Variants in ZFYVE28 observed in about 807,000 individuals in gnomAD.
The protein encoded by ZFYVE28 is lateral signaling target protein 2 homolog.
ZFYVE28 carries 40 observed loss-of-function variants against 82.1 expected under a neutral mutation model. The observed-to-expected ratio is 0.49, with a 90% CI of 0.38 to 0.63. ZFYVE28 has a LOEUF of 0.63. Ranked by LOEUF, ZFYVE28 falls within the 30% of genes least tolerant of loss-of-function variation. The pLI is 0.00. For synonymous variants in ZFYVE28, 612 were observed against 546.1 expected (o/e 1.12, Z -1.68); for missense variants, 1,321 against 1,242.1 (o/e 1.06, Z -0.96).
At chr4:2,327,254 ATATATATATAT>A (rs1719980215) in intron 6 of ZFYVE28, among the ~76,000 whole-genome samples, 2 of 1,676 alleles carry the variant, frequency 1.2e-3, no homozygotes, top group East Asian at 0.045. Context: ...CATCTCAAAT[ATATATATATAT>A]ATATATATAT....
rs912537615 is a variant in ZFYVE28 at position 2,342,015 on chromosome 4, C to T, written c.181-400G>A. On this transcript the variant is annotated intron_variant, in intron 2 of 12. Transcript: ENST00000290974. ...AGCCAGGGCAATAAAGAGCAGCAAC[C>T]GCAGGAGCCATGGGCTCAGACGGAC... 2.0e-4 allele frequency among the ~76,000 whole-genome samples: 31 copies of T among 152,282 alleles called. 1 individual carries two copies. Among genetic ancestry groups the T allele is most frequent in the Middle Eastern group, 3.4e-3 (1 of 294 alleles).
chr4:2,401,871 C>T (rs983894616), intron 1 of ZFYVE28, among the ~76,000 whole-genome samples: 2 of 152,192 alleles, frequency 1.3e-5, no homozygotes, highest in Admixed American at 6.5e-5. Context: ...GTCCTCTCCT[C>T]GAGCCTCTCA....
At chr4:2,346,931 A>G (rs962879485) in intron 2 of ZFYVE28, among the ~76,000 whole-genome samples, 1 of 152,204 alleles carries the variant, frequency 6.6e-6, no homozygotes, top group African/African-American at 2.4e-5. Flanking sequence ...AAATCTAACT[A>G]TATCAAAGAC....
At chr4:2,410,467 T>C (rs1732405525) in intron 1 of ZFYVE28, among the ~76,000 whole-genome samples, 1 of 151,424 alleles carries the variant, frequency 6.6e-6, no homozygotes, top group East Asian at 1.9e-4. Flanking sequence ...TTTTTTTTTT[T>C]TTTTTCATTT....
intron 7 of ZFYVE28, among the ~76,000 whole-genome samples, chr4:2,312,663 G>C (rs1717635141): frequency 6.8e-6 from 1 of 147,424 alleles, no homozygotes; most frequent in Non-Finnish European, 1.5e-5. Context: ...AGGAGGCGGA[G>C]CTTGCAGTGA....
chr4:2,359,995 G>A (rs1323771939), intron 1 of ZFYVE28, among the ~76,000 whole-genome samples: 2 of 152,188 alleles, frequency 1.3e-5, no homozygotes, highest in Non-Finnish European at 2.9e-5. Context: ...GAGCCTCGGA[G>A]CCTTTACCCA....
At chr4:2,354,844 T>C (rs559748621) in intron 1 of ZFYVE28, among the ~76,000 whole-genome samples, 2 of 152,226 alleles carry the variant, frequency 1.3e-5, no homozygotes, top group South Asian at 2.1e-4. Context: ...GAAGAATGAT[T>C]GACAGTGCAT....
chr4:2,399,167 C>T (rs1268568685), intron 1 of ZFYVE28, among the ~76,000 whole-genome samples: 1 of 98,958 alleles, frequency 1.0e-5, no homozygotes, highest in African/African-American at 3.7e-5. Flanking sequence ...GGGGTGAGAT[C>T]GAGGGCACAA....
chr4:2,317,879 C>A (rs572797754), intron 7 of ZFYVE28, among the ~76,000 whole-genome samples: 2 of 152,270 alleles, frequency 1.3e-5, no homozygotes, highest in East Asian at 3.9e-4. Context: ...GTGATCCATC[C>A]GCCTGGGCCT....
intron 1 of ZFYVE28, among the ~76,000 whole-genome samples, chr4:2,382,681 T>C (rs1319595006): frequency 1.3e-5 from 2 of 152,244 alleles, no homozygotes; most frequent in East Asian, 3.8e-4. Context: ...ACTTGCCTTG[T>C]CTTAGATGAG....
intron 6 of ZFYVE28, among the ~76,000 whole-genome samples, chr4:2,331,766 AC>A (rs1282584061): frequency 6.6e-6 from 1 of 151,838 alleles, no homozygotes; most frequent in Non-Finnish European, 1.5e-5. Context: ...GTAAGGCCAG[AC>A]CCCACCAGGC....
Position 2,270,531 on chromosome 4 carries a change from C to T in ZFYVE28, c.*194G>A, listed in dbSNP as rs1735814186. 1.3e-6 allele frequency: 1 copy of T among 788,132 alleles called. No individual in the cohort carries two copies. The highest frequency in any genetic ancestry group is 1.8e-5 in the South Asian group (1 of 54,682). 48.8% of individuals were successfully genotyped at this position (788,132 alleles called of 1,614,324 possible). A position where few individuals can be genotyped will look rare whatever the true frequency, so the allele number is the denominator to read the frequency against. On this transcript the variant is annotated 3_prime_UTR_variant, in exon 13 of 13. Transcript: ENST00000290974. The stretch of plus-strand genomic sequence containing the variant: ...TGGGCAAAGCTGACCTCTTGTTGGC[C>T]CCTGCAGCCGGCCCGGGGTCCCTGC...
chr4:2,305,720 G>A (rs530011513), intron 7 of ZFYVE28, among the ~76,000 whole-genome samples, 184 bp from the exon 8 acceptor site: 42 of 152,366 alleles, frequency 2.8e-4, no homozygotes, highest in African/African-American at 9.6e-4. Context: ...CTCCGGTCTC[G>A]CCGGCCAGGA....
intron 1 of ZFYVE28, among the ~76,000 whole-genome samples, chr4:2,388,476 A>G (rs770335224): frequency 5.3e-5 from 8 of 152,108 alleles, no homozygotes; most frequent in Non-Finnish European, 5.9e-5. Context: ...CCACTGCTGC[A>G]CAAGAAGGGA....
chr4:2,308,653 G>GAAAGA (rs1361513851), intron 7 of ZFYVE28, among the ~76,000 whole-genome samples: 2 of 101,588 alleles, frequency 2.0e-5, no homozygotes, highest in Non-Finnish European at 2.0e-5. Context: ...AAGAAAGAAA[G>GAAAGA]AAAGAAAGAA....
At chr4:2,402,149 C>G (rs1731253526) in intron 1 of ZFYVE28, among the ~76,000 whole-genome samples, 1 of 152,206 alleles carries the variant, frequency 6.6e-6, no homozygotes, top group South Asian at 2.1e-4. Flanking sequence ...CCCCAGTGAG[C>G]ATGGAGCTCT....
chr4:2,291,991 C>G (rs1713788468), intron 8 of ZFYVE28, among the ~76,000 whole-genome samples: 1 of 152,128 alleles, frequency 6.6e-6, no homozygotes, highest in Non-Finnish European at 1.5e-5. Flanking sequence ...TCCTCCCAGG[C>G]CTTGCTGCCT....
chr4:2,404,229 G>C (rs1428235955), intron 1 of ZFYVE28, among the ~76,000 whole-genome samples: 1 of 143,914 alleles, frequency 6.9e-6, no homozygotes, highest in Non-Finnish European at 1.5e-5. Flanking sequence ...GGCTGAGGCA[G>C]GAGAATGGCA....
At chr4:2,343,118 A>G (rs1723048226) in intron 2 of ZFYVE28, 2 of 152,184 alleles carry the variant, frequency 1.3e-5, no homozygotes, top group Admixed American at 1.3e-4. Flanking sequence ...GATGTGCCTA[A>G]TCCTCCACCT....
Sources: gnomAD v4.1 joint callset for allele counts (sites outside exome capture counted in the v4.1 genomes callset) on GRCh38, gnomAD v4.1.1 for gene constraint, MANE v1.5 for transcripts, NCBI Gene and HGNC (gene_info 2026-07-23, HGNC 2026-07-21) for gene names.